Variants in LARGE1 observed in about 807,000 individuals in gnomAD.
LARGE1 encodes the protein xylosyl- and glucuronyltransferase LARGE1.
Under a neutral mutation model 87.6 loss-of-function variants are expected in LARGE1, and 43 were observed. The observed-to-expected ratio is 0.49, with a 90% CI of 0.38 to 0.63. The LOEUF is 0.63. LARGE1 is among the 30% of genes least tolerant of loss of function. The pLI is 0.00. For synonymous variants in LARGE1, 434 were observed against 394.6 expected (o/e 1.10, Z -1.18); for missense variants, 802 against 1,000.2 (o/e 0.80, Z 2.67).
chr22:33,238,200 T>C (rs184915393), intron 11 of LARGE1, among the ~76,000 whole-genome samples: 1 of 152,060 alleles, frequency 6.6e-6, no homozygotes, highest in East Asian at 1.9e-4. Context: ...AAAATCAAAT[T>C]AGATGCAGCT....
chr22:33,777,797 T>C (rs1464346055), intron 1 of LARGE1, among the ~76,000 whole-genome samples: 2 of 151,758 alleles, frequency 1.3e-5, no homozygotes, highest in Non-Finnish European at 2.9e-5. Context: ...CTTGTTTAGG[T>C]GGAGGCCCAA....
intron 1 of LARGE1, among the ~76,000 whole-genome samples, chr22:33,846,024 T>C (rs2063419987): frequency 6.6e-6 from 1 of 152,222 alleles, no homozygotes; most frequent in Admixed American, 6.5e-5. Flanking sequence ...CAGAGCTGTT[T>C]TTCTACAGAG....
At chr22:33,826,204 C>A (rs2062777996) in intron 1 of LARGE1, among the ~76,000 whole-genome samples, 2 of 152,112 alleles carry the variant, frequency 1.3e-5, no homozygotes, top group Non-Finnish European at 2.9e-5. Flanking sequence ...TCCAGGGACT[C>A]CAGGGAAAAC....
In LARGE1 at chr22:33,327,640, C is replaced by T. The variant is rs181783716; in HGVS notation, c.1287+10006G>A. On this transcript the variant is annotated intron_variant, in intron 10 of 14. Transcript: ENST00000397394. Reference sequence around the variant, plus strand: ...GTGCCGTCTCGATTCACTGCAGCCTCGACCTCCCAGGCTCAAGTGATCCTC... The same window carrying T: ...GTGCCGTCTCGATTCACTGCAGCCTTGACCTCCCAGGCTCAAGTGATCCTC... 3.9e-3 allele frequency among the ~76,000 whole-genome samples: 589 copies of T among 152,262 alleles called. 4 individuals carry two copies. The highest frequency in any genetic ancestry group is 6.5e-3 in the Non-Finnish European group (442 of 68,022).
intron 6 of LARGE1, among the ~76,000 whole-genome samples, chr22:33,513,355 T>G (rs1387531120): frequency 6.6e-6 from 1 of 152,210 alleles, no homozygotes; most frequent in African/African-American, 2.4e-5. Context: ...GTCTAAACTT[T>G]GGCTGAGATT....
intron 6 of LARGE1, among the ~76,000 whole-genome samples, chr22:33,527,375 T>C (rs2071962910): frequency 6.6e-6 from 1 of 152,188 alleles, no homozygotes; most frequent in Admixed American, 6.5e-5. Context: ...CGTACAAAGA[T>C]AACGGCATTA....
At chr22:33,361,998 A>G (rs2064405450) in intron 9 of LARGE1, among the ~76,000 whole-genome samples, 1 of 149,060 alleles carries the variant, frequency 6.7e-6, no homozygotes, top group Non-Finnish European at 1.5e-5. Context: ...TCATTCTCTA[A>G]TGGTCCATCA....
At chr22:33,665,070 T>C (rs1276027848) in intron 2 of LARGE1, among the ~76,000 whole-genome samples, 3 of 152,186 alleles carry the variant, frequency 2.0e-5, no homozygotes, top group African/African-American at 7.2e-5. Context: ...TCAGGGCTTC[T>C]ACACTTGCTG....
At chr22:33,813,380 C>T (rs188989457) in intron 1 of LARGE1, among the ~76,000 whole-genome samples, 14 of 152,160 alleles carry the variant, frequency 9.2e-5, no homozygotes, top group Admixed American at 8.5e-4. Flanking sequence ...TGTTCATCTC[C>T]GATAGTCAAA....
intron 1 of LARGE1, among the ~76,000 whole-genome samples, chr22:33,810,577 C>T (rs980470626): frequency 2.0e-5 from 3 of 152,144 alleles, no homozygotes; most frequent in Non-Finnish European, 2.9e-5. Flanking sequence ...GCTTTAAGAA[C>T]CATTATGCGC....
intron 12 of LARGE1, among the ~76,000 whole-genome samples, chr22:33,300,057 C>A (rs1229411697): frequency 2.0e-5 from 3 of 152,110 alleles, no homozygotes; most frequent in African/African-American, 7.2e-5. Flanking sequence ...AAATAGAACC[C>A]CAAAAAAGGT....
At chr22:33,723,609 T>C (rs566066636) in intron 2 of LARGE1, among the ~76,000 whole-genome samples, 25 of 152,248 alleles carry the variant, frequency 1.6e-4, no homozygotes, top group Non-Finnish European at 3.4e-4. Context: ...AAAAGGGACA[T>C]GGAATTTGGA....
At chr22:33,763,347 A>C (rs1475722770) in intron 1 of LARGE1, among the ~76,000 whole-genome samples, 3 of 152,218 alleles carry the variant, frequency 2.0e-5, no homozygotes, top group African/African-American at 7.2e-5. Context: ...TTCTAAATGG[A>C]ATTCTTTTGG....
intron 2 of LARGE1, among the ~76,000 whole-genome samples, chr22:33,657,928 T>C (rs2081013985): frequency 2.0e-5 from 3 of 150,578 alleles, no homozygotes; most frequent in Admixed American, 2.0e-4. Context: ...CTATTTCCAT[T>C]TGACTAATGA....
intron 11 of LARGE1, among the ~76,000 whole-genome samples, chr22:33,223,938 T>A (rs1406785136): frequency 1.3e-5 from 2 of 152,144 alleles, no homozygotes; most frequent in Non-Finnish European, 2.9e-5. Context: ...GGCATCCTCG[T>A]ATGCTCACAG....
the LARGE1 span, among the ~76,000 whole-genome samples, chr22:33,070,456 C>T: frequency 1.6e-4 from 25 of 152,170 alleles, no homozygotes; most frequent in East Asian, 1.9e-3. Context: ...GTGCTACTGG[C>T]GTCTAGTGGG....
At chr22:33,865,832 CTTTTTTTTTTTTTTTTTT>C (rs3072359) in intron 1 of LARGE1, among the ~76,000 whole-genome samples, 98 of 28,392 alleles carry the variant, frequency 3.5e-3, no homozygotes, top group Non-Finnish European at 4.8e-3. Flanking sequence ...AGCTGTTATT[CTTTTTTTTTTTTTTTTTT>C]TTTTTTTTTT....
At chr22:33,714,237 A>G (rs934605156) in intron 2 of LARGE1, among the ~76,000 whole-genome samples, 1 of 152,120 alleles carries the variant, frequency 6.6e-6, no homozygotes, top group Non-Finnish European at 1.5e-5. Context: ...GAAATGAGAA[A>G]AGCTGGTCTT....
At chr22:33,624,650 A>C (rs918796532) in intron 4 of LARGE1, among the ~76,000 whole-genome samples, 1 of 152,156 alleles carries the variant, frequency 6.6e-6, no homozygotes, top group Non-Finnish European at 1.5e-5. Context: ...AGGAGACAGA[A>C]AGCACTATGG....
Sources: gnomAD v4.1 joint callset for allele counts (sites outside exome capture counted in the v4.1 genomes callset) on GRCh38, gnomAD v4.1.1 for gene constraint, MANE v1.5 for transcripts, NCBI Gene and HGNC (gene_info 2026-07-23, HGNC 2026-07-21) for gene names.